The following RAB33A variants were observed in gnomAD, a reference collection of about 807,000 sequenced individuals.
The protein encoded by RAB33A is RAB33A, member RAS oncogene family.
Under a neutral mutation model 12.0 loss-of-function variants are expected in RAB33A, and 6 were observed. The ratio of observed to expected loss-of-function variants is 0.50; its 90% CI spans 0.27 to 0.99. The LOEUF is 0.99. Ranked by LOEUF, RAB33A falls within the 50% of genes least tolerant of loss-of-function variation. The pLI, the probability that RAB33A is intolerant of heterozygous loss-of-function variation, is 0.11. For missense variants in RAB33A, 109 were observed against 192.0 expected, an observed-to-expected ratio of 0.57 and a Z score of 2.55; for synonymous variants, 70 against 82.4, an observed-to-expected ratio of 0.85 and a Z score of 0.81.
intron 1 of RAB33A, among the ~76,000 whole-genome samples, chrX:130,182,139 C>CAAAA (rs1188540923): frequency 0.023 from 702 of 30,415 alleles, 88 homozygotes; most frequent in African/African-American, 0.064. Flanking sequence ...TCTGTCTCTA[C>CAAAA]AAAAAAAAAA....
the RAB33A span, among the ~76,000 whole-genome samples, chrX:130,121,633 G>A: frequency 1.8e-5 from 2 of 112,768 alleles, no homozygotes; most frequent in South Asian, 3.6e-4. Flanking sequence ...GGGCGGTGGC[G>A]CGTGGGAGTC....
the RAB33A span, among the ~76,000 whole-genome samples, chrX:130,127,536 A>C: frequency 9.0e-6 from 1 of 110,855 alleles, no homozygotes; most frequent in Non-Finnish European, 1.9e-5. Flanking sequence ...AGAATTTGAC[A>C]AAACTGTATA....
At chrX:130,133,487 G>T in the RAB33A span, 2 of 1,162,520 alleles carry the variant, frequency 1.7e-6, no homozygotes, top group Non-Finnish European at 1.2e-6. Flanking sequence ...ATGAACACAT[G>T]ATAAAAAAAA....
the RAB33A span, among the ~76,000 whole-genome samples, chrX:130,123,911 G>A: frequency 9.1e-6 from 1 of 110,388 alleles, no homozygotes; most frequent in Non-Finnish European, 1.9e-5. Context: ...ACCATAAAAC[G>A]GGGGAACTAT....
At chrX:130,146,069 C>T in the RAB33A span, among the ~76,000 whole-genome samples, 1 of 111,913 alleles carries the variant, frequency 8.9e-6, no homozygotes, top group African/African-American at 3.2e-5. Flanking sequence ...TTCAATGGAA[C>T]AACTAATTAT....
At chrX:130,152,921 A>G in the RAB33A span, among the ~76,000 whole-genome samples, 2 of 112,019 alleles carry the variant, frequency 1.8e-5, no homozygotes, top group Non-Finnish European at 3.8e-5. Flanking sequence ...GAGTAAGTGT[A>G]TGATACCTAG....
chrX:130,171,143 C>T (rs1308855086), upstream of RAB33A, among the ~76,000 whole-genome samples: 1 of 113,356 alleles, frequency 8.8e-6, no homozygotes, highest in Non-Finnish European at 1.9e-5. Context: ...CAGTTACACC[C>T]CCTACACACG....
At chrX:130,172,346 AG>A (rs1198718682) in intron 1 of RAB33A, 26 bp downstream of exon 1, 2 of 1,178,970 alleles carry the variant, frequency 1.7e-6, no homozygotes, top group Non-Finnish European at 2.3e-6. Flanking sequence ...AGGTCCAGGA[AG>A]GGTGGGACCC....
At chrX:130,131,679 C>T in the RAB33A span, 3 of 1,212,096 alleles carry the variant, frequency 2.5e-6, no homozygotes, top group Admixed American at 6.5e-5. Flanking sequence ...TCTTACCTGA[C>T]TGCTCTGTGG....
chrX:130,113,144 G>C, the RAB33A span, among the ~76,000 whole-genome samples: 1 of 85,962 alleles, frequency 1.2e-5, no homozygotes, highest in Non-Finnish European at 2.2e-5. Context: ...GCAGTGGCGC[G>C]ATCTCGGCTC....
the RAB33A span, among the ~76,000 whole-genome samples, chrX:130,139,287 G>A: frequency 9.3e-6 from 1 of 107,964 alleles, no homozygotes; most frequent in Non-Finnish European, 1.9e-5. Context: ...AGCCAAGATC[G>A]CACCACCGCA....
At chrX:130,158,704 T>TAAAAAAAAAA in the RAB33A span, among the ~76,000 whole-genome samples, 1 of 44,078 alleles carries the variant, frequency 2.3e-5, no homozygotes, top group African/African-American at 8.9e-5. Context: ...GCTGATGAGC[T>TAAAAAAAAAA]AAAAAAAAAA....
intron 1 of RAB33A, among the ~76,000 whole-genome samples, chrX:130,183,155 G>A (rs1362091139): frequency 9.2e-6 from 1 of 108,380 alleles, no homozygotes; most frequent in Non-Finnish European, 1.9e-5. Flanking sequence ...TGATCCACCT[G>A]CCTCAGCCTC....
chrX:130,159,602 AT>A, the RAB33A span, among the ~76,000 whole-genome samples: 1 of 110,272 alleles, frequency 9.1e-6, no homozygotes, highest in Non-Finnish European at 1.9e-5. Context: ...CTAAAAATAA[AT>A]TTTTTTTGTT....
chrX:130,131,031 C>T, the RAB33A span, among the ~76,000 whole-genome samples: 81 of 112,455 alleles, frequency 7.2e-4, no homozygotes, highest in Admixed American at 1.6e-3. Flanking sequence ...CCTTGAGACA[C>T]CTCTGGCAAA....
At chrX:130,124,768 A>T in the RAB33A span, among the ~76,000 whole-genome samples, 4 of 112,320 alleles carry the variant, frequency 3.6e-5, no homozygotes, top group Non-Finnish European at 5.6e-5. Context: ...GAAAAGACTT[A>T]GAGGATTCAG....
the RAB33A span, among the ~76,000 whole-genome samples, chrX:130,113,724 C>G: frequency 1.8e-5 from 2 of 111,679 alleles, no homozygotes; most frequent in African/African-American, 6.5e-5. Context: ...GCGCCTGGCC[C>G]TAGTTATTTT....
At chrX:130,155,145 A>C in the RAB33A span, 1 of 1,211,100 alleles carries the variant, frequency 8.3e-7, no homozygotes, top group Middle Eastern at 2.3e-4. Context: ...GTTTTAGTGT[A>C]AGCATCTTAC....
chrX:130,172,238 G>T lies in RAB33A; in HGVS notation c.176G>T (p.Gly59Val). 8.2e-7 allele frequency: 1 copy of T among 1,212,308 alleles called. No homozygotes were observed. The highest frequency in any genetic ancestry group is 1.1e-6 in the Non-Finnish European group (1 of 895,563). ...KTCLTFRFCG[G>V]TFPDKTEATI... The stretch of plus-strand genomic sequence containing the variant: ...TGCCTGACCTTCCGCTTCTGCGGGG[G>T]TACCTTCCCAGACAAGACTGAAGCC... The change falls in exon 1 of 2, where the codon GGT (glycine) becomes GTT (valine). Residue 59 changes from glycine to valine, a missense_variant. Coordinates refer to ENST00000257017, the MANE Select transcript of RAB33A (RefSeq NM_004794.3).
Sources: gnomAD v4.1 joint callset for allele counts (sites outside exome capture counted in the v4.1 genomes callset) on GRCh38, gnomAD v4.1.1 for gene constraint, MANE v1.5 for transcripts, NCBI Gene and HGNC (gene_info 2026-07-23, HGNC 2026-07-21) for gene names.